CTNNA2: variants seen among roughly 807,000 people sequenced by gnomAD.
The protein encoded by CTNNA2 is catenin alpha-2.
In CTNNA2, 42 loss-of-function variants were observed where a neutral mutation model predicts 101.0. That is an observed-to-expected ratio of 0.42 (90% CI 0.32 to 0.54). The LOEUF (loss-of-function observed/expected upper bound fraction) is 0.54, where lower values mean the gene tolerates loss of function less well. CTNNA2 is among the 20% of genes least tolerant of loss of function. The pLI is 0.14. For synonymous variants in CTNNA2, 450 were observed against 456.4 expected, an observed-to-expected ratio of 0.99 and a Z score of 0.18; for missense variants, 871 against 1,223.1, an observed-to-expected ratio of 0.71 and a Z score of 4.29.
At chr2:80,547,976 G>A (rs1692238034) in intron 11 of CTNNA2, among the ~76,000 whole-genome samples, 1 of 152,134 alleles carries the variant, frequency 6.6e-6, no homozygotes, top group Non-Finnish European at 1.5e-5. Flanking sequence ...ACAGGCGTGA[G>A]CCATCGCGCC....
chr2:80,558,482 GTGTGTA>G (rs72184951), intron 12 of CTNNA2, among the ~76,000 whole-genome samples: 54,099 of 149,290 alleles, frequency 0.36, 11,234 homozygotes, highest in Middle Eastern at 0.5. Flanking sequence ...GTGTGTGTGT[GTGTGTA>G]TATATATATG....
At chr2:79,379,818 C>T (rs983309227) in intron 4 of CTNNA2, among the ~76,000 whole-genome samples, 1 of 152,046 alleles carries the variant, frequency 6.6e-6, no homozygotes, top group Admixed American at 6.6e-5. Flanking sequence ...ATAATTTTGC[C>T]TTTTGCCCTA....
intron 7 of CTNNA2, among the ~76,000 whole-genome samples, chr2:80,339,895 T>C (rs903369903): frequency 2.0e-5 from 3 of 152,172 alleles, no homozygotes; most frequent in Non-Finnish European, 4.4e-5. Flanking sequence ...GTAACTCCTT[T>C]TGTGTGTCTT....
At chr2:80,610,280 A>G (rs1698349779) in intron 17 of CTNNA2, among the ~76,000 whole-genome samples, 2 of 151,550 alleles carry the variant, frequency 1.3e-5, no homozygotes, top group South Asian at 4.1e-4. Context: ...CTGATGGCCA[A>G]TGGAGAAAAA....
At chr2:80,057,332 A>G (rs1002571067) in intron 7 of CTNNA2, among the ~76,000 whole-genome samples, 1 of 152,188 alleles carries the variant, frequency 6.6e-6, no homozygotes, top group Non-Finnish European at 1.5e-5. Flanking sequence ...TTGTTGTTCA[A>G]TAAGAATAGC....
intron 2 of CTNNA2, among the ~76,000 whole-genome samples, chr2:79,671,886 G>T (rs1030473412): frequency 4.8e-4 from 73 of 152,294 alleles, no homozygotes; most frequent in African/African-American, 1.6e-3. Context: ...AAGGTAAAAG[G>T]TTTTCTTTTC....
chr2:80,022,039 A>G (rs1265569794), intron 7 of CTNNA2, among the ~76,000 whole-genome samples: 1 of 152,212 alleles, frequency 6.6e-6, no homozygotes, highest in Non-Finnish European at 1.5e-5. Flanking sequence ...TCTGCCTCCA[A>G]TATCCTAGAT....
At chr2:80,100,120 GATGGGGTTTCACC>G (rs1558808211) in intron 7 of CTNNA2, among the ~76,000 whole-genome samples, 1 of 151,968 alleles carries the variant, frequency 6.6e-6, no homozygotes, top group Non-Finnish European at 1.5e-5. Flanking sequence ...TTTTAGTAGA[GATGGGGTTTCACC>G]ATGTTGGTCA....
intron 7 of CTNNA2, among the ~76,000 whole-genome samples, chr2:80,190,170 G>A (rs1222934932): frequency 6.6e-6 from 1 of 151,970 alleles, no homozygotes; most frequent in Non-Finnish European, 1.5e-5. Flanking sequence ...TAACAGGGAA[G>A]GCTTTGGTTC....
chr2:79,351,514 G>A (rs1204889411), intron 3 of CTNNA2, among the ~76,000 whole-genome samples: 2 of 152,078 alleles, frequency 1.3e-5, no homozygotes, highest in Non-Finnish European at 1.5e-5. Context: ...GAGATTAGGA[G>A]TACAAATGAA....
At chr2:80,517,343 C>T (rs1000827710) in intron 9 of CTNNA2, among the ~76,000 whole-genome samples, 13 of 152,272 alleles carry the variant, frequency 8.5e-5, no homozygotes, top group East Asian at 7.7e-4. Context: ...GTGGGGACCA[C>T]GGATGGATTT....
At chr2:80,566,482 T>C (rs1694073660) in intron 12 of CTNNA2, among the ~76,000 whole-genome samples, 2 of 152,174 alleles carry the variant, frequency 1.3e-5, no homozygotes, top group Admixed American at 1.3e-4. Flanking sequence ...GGGTAATGAA[T>C]GGCATAACTG....
intron 7 of CTNNA2, among the ~76,000 whole-genome samples, chr2:80,354,276 T>C (rs1169286529): frequency 6.6e-6 from 1 of 152,062 alleles, no homozygotes; most frequent in East Asian, 1.9e-4. Context: ...GAAGTGTACA[T>C]GTAGGAGGGA....
intron 7 of CTNNA2, chr2:80,162,689 G>A: frequency 3.7e-6 from 6 of 1,612,860 alleles, no homozygotes; most frequent in Non-Finnish European, 4.2e-6. Flanking sequence ...GCCACTGGGA[G>A]CTTGAAGACT....
At position 79,557,555 on chromosome 2, in the gene CTNNA2, C is replaced by G. The variant is rs996243412; in HGVS notation, c.-6+44348C>G. Among the ~76,000 whole-genome samples the G allele has an allele frequency of 2.6e-5, 4 of 151,850 alleles. No homozygotes were observed. In the East Asian group the frequency reaches 5.8e-4, roughly 22 times the overall value. ...TAATGGTTTCATTTCCATTCTGTTA[C>G]CTAAAATTTGAACTACTTATTCTCT... On this transcript the variant is annotated intron_variant, in intron 1 of 18. Coordinates refer to ENST00000402739, the MANE Select transcript of CTNNA2 (RefSeq NM_001282597.3).
chr2:80,136,314 G>A (rs762307849), intron 7 of CTNNA2, among the ~76,000 whole-genome samples: 10 of 152,132 alleles, frequency 6.6e-5, no homozygotes, highest in Non-Finnish European at 1.5e-4. Flanking sequence ...CAACCTCTCA[G>A]CCTTAGCATC....
At chr2:80,292,545 C>A (rs1379756350) in intron 7 of CTNNA2, among the ~76,000 whole-genome samples, 1 of 152,118 alleles carries the variant, frequency 6.6e-6, no homozygotes, top group Non-Finnish European at 1.5e-5. Context: ...GGTTGCCAGG[C>A]ACCTAGCAAG....
intron 3 of CTNNA2, among the ~76,000 whole-genome samples, chr2:79,799,232 G>A (rs1675966653): frequency 6.7e-6 from 1 of 148,740 alleles, no homozygotes; most frequent in Admixed American, 6.7e-5. Context: ...TCTTAAATAT[G>A]TTCATGTATA....
At chr2:79,620,163 C>T (rs1293009622) in intron 1 of CTNNA2, among the ~76,000 whole-genome samples, 2 of 152,126 alleles carry the variant, frequency 1.3e-5, no homozygotes, top group African/African-American at 4.8e-5. Flanking sequence ...TAGTTGCTGC[C>T]CATCACCCAA....
Sources: allele counts gnomAD v4.1 joint callset (sites outside exome capture counted in the v4.1 genomes callset), GRCh38; gene constraint gnomAD v4.1.1; transcripts MANE v1.5; gene names NCBI Gene and HGNC (gene_info 2026-07-23, HGNC 2026-07-21).